Variants in PABPC4L observed in about 807,000 individuals in gnomAD.
PABPC4L encodes the protein polyadenylate-binding protein 4-like.
For synonymous variants in PABPC4L, 169 were observed against 164.1 expected (o/e 1.03, Z -0.23); for missense variants, 452 against 451.4 (o/e 1.00, Z -0.01).
At chr4:134,123,899 A>C in the PABPC4L span, among the ~76,000 whole-genome samples, 1 of 152,146 alleles carries the variant, frequency 6.6e-6, no homozygotes, top group Non-Finnish European at 1.5e-5. Flanking sequence ...TTGAAAAAAA[A>C]GTTGGGTATA....
chr4:134,083,026 T>G, the PABPC4L span, among the ~76,000 whole-genome samples: 1 of 152,192 alleles, frequency 6.6e-6, no homozygotes, highest in African/African-American at 2.4e-5. Flanking sequence ...CACCTCACAG[T>G]GTGACAATGG....
chr4:134,141,081 T>A, the PABPC4L span, among the ~76,000 whole-genome samples: 1 of 151,800 alleles, frequency 6.6e-6, no homozygotes, highest in Non-Finnish European at 1.5e-5. Context: ...TCATTTTTCA[T>A]ACAACCAGAG....
chr4:134,087,365 A>C, the PABPC4L span, among the ~76,000 whole-genome samples: 1 of 152,140 alleles, frequency 6.6e-6, no homozygotes, highest in African/African-American at 2.4e-5. Flanking sequence ...TCTTTTACTG[A>C]GTTCTCAAAA....
At chr4:134,101,797 C>T in the PABPC4L span, among the ~76,000 whole-genome samples, 1 of 151,408 alleles carries the variant, frequency 6.6e-6, no homozygotes, top group South Asian at 2.1e-4. Context: ...CAAGGCCATA[C>T]ATCCTGTCCT....
the PABPC4L span, among the ~76,000 whole-genome samples, chr4:133,996,302 A>G: frequency 6.6e-6 from 1 of 152,048 alleles, no homozygotes; most frequent in African/African-American, 2.4e-5. Context: ...GCCCTTGTGT[A>G]TGATGTTCTT....
the PABPC4L span, among the ~76,000 whole-genome samples, chr4:134,102,968 T>C: frequency 1.3e-5 from 2 of 151,592 alleles, no homozygotes; most frequent in African/African-American, 2.4e-5. Context: ...CATTAAAATA[T>C]TATATTTGTA....
the PABPC4L span, among the ~76,000 whole-genome samples, chr4:134,179,182 C>G: frequency 6.6e-6 from 1 of 152,032 alleles, no homozygotes; most frequent in African/African-American, 2.4e-5. Flanking sequence ...GAAATCCCAT[C>G]GGGCAAACAG....
downstream of PABPC4L, among the ~76,000 whole-genome samples, chr4:134,196,048 T>A (rs1729645765): frequency 6.6e-6 from 1 of 151,542 alleles, no homozygotes. Context: ...AAGTCAATTC[T>A]AAGCACTTGA....
chr4:133,996,755 C>T, the PABPC4L span, among the ~76,000 whole-genome samples: 1 of 152,150 alleles, frequency 6.6e-6, no homozygotes, highest in African/African-American at 2.4e-5. Context: ...CACTGCTTAG[C>T]ACCGCCAATG....
the PABPC4L span, among the ~76,000 whole-genome samples, chr4:134,088,734 C>T: frequency 6.6e-6 from 1 of 152,040 alleles, no homozygotes; most frequent in Admixed American, 6.6e-5. Context: ...ATGGGGCTTC[C>T]CAGGCTCCAG....
chr4:133,969,470 T>A, the PABPC4L span, among the ~76,000 whole-genome samples: 1 of 152,210 alleles, frequency 6.6e-6, no homozygotes, highest in Non-Finnish European at 1.5e-5. Flanking sequence ...TCACTAACTT[T>A]TATCTGCCTT....
chr4:134,007,879 A>G, the PABPC4L span, among the ~76,000 whole-genome samples: 1 of 151,794 alleles, frequency 6.6e-6, no homozygotes, highest in Non-Finnish European at 1.5e-5. Flanking sequence ...ACAATTATTA[A>G]AGGAGATAAA....
the PABPC4L span, among the ~76,000 whole-genome samples, chr4:134,137,667 A>G: frequency 6.6e-6 from 1 of 151,896 alleles, no homozygotes. Context: ...CCATCAAAGT[A>G]CATCAATTCT....
At chr4:133,998,960 G>A in the PABPC4L span, among the ~76,000 whole-genome samples, 1 of 151,926 alleles carries the variant, frequency 6.6e-6, no homozygotes, top group Non-Finnish European at 1.5e-5. Flanking sequence ...CTTCTCTGCT[G>A]ATCAATAGAC....
the PABPC4L span, among the ~76,000 whole-genome samples, chr4:134,112,060 A>T: frequency 6.6e-6 from 1 of 152,022 alleles, no homozygotes; most frequent in Non-Finnish European, 1.5e-5. Flanking sequence ...ATATAAAATA[A>T]TGACATAGTA....
At chr4:134,031,226 G>T in the PABPC4L span, among the ~76,000 whole-genome samples, 2 of 151,918 alleles carry the variant, frequency 1.3e-5, no homozygotes, top group East Asian at 3.9e-4. Context: ...GAAGGAGTCC[G>T]CCATAAACTC....
the PABPC4L span, among the ~76,000 whole-genome samples, chr4:133,987,510 T>C: frequency 1.3e-5 from 2 of 152,108 alleles, no homozygotes; most frequent in African/African-American, 4.8e-5. Flanking sequence ...AAAATATATT[T>C]TCACTTCTCT....
At chr4:134,047,248 A>G in the PABPC4L span, among the ~76,000 whole-genome samples, 2 of 152,152 alleles carry the variant, frequency 1.3e-5, no homozygotes, top group Non-Finnish European at 2.9e-5. Context: ...TCACTACTAG[A>G]GTCCTTGGTT....
the PABPC4L span, among the ~76,000 whole-genome samples, chr4:133,986,654 CA>C: frequency 6.6e-6 from 1 of 151,006 alleles, no homozygotes; most frequent in South Asian, 2.1e-4. Flanking sequence ...AAGAGAAAAT[CA>C]AAAAATAATA....
Sources: gnomAD v4.1 joint callset for allele counts (sites outside exome capture counted in the v4.1 genomes callset) on GRCh38, gnomAD v4.1.1 for gene constraint, MANE v1.5 for transcripts, NCBI Gene and HGNC (gene_info 2026-07-23, HGNC 2026-07-21) for gene names.